ATF7IP: variants seen among roughly 807,000 people sequenced by gnomAD.
ATF7IP encodes the protein activating transcription factor 7-interacting protein 1.
In ATF7IP, 23 loss-of-function variants were observed where a neutral mutation model predicts 106.4. The ratio of observed to expected loss-of-function variants is 0.22; its 90% CI spans 0.16 to 0.31. ATF7IP has a LOEUF of 0.31. ATF7IP is among the 10% of genes least tolerant of loss of function. The pLI, the probability that ATF7IP is intolerant of heterozygous loss-of-function variation, is 1.00. For synonymous variants in ATF7IP, 542 were observed against 539.0 expected, an observed-to-expected ratio of 1.01 and a Z score of -0.08; for missense variants, 1,334 against 1,524.3, an observed-to-expected ratio of 0.88 and a Z score of 2.08.
chr12:14,460,600 C>T lies in ATF7IP; in HGVS notation c.2264C>T (p.Ala755Val). The T allele has an allele frequency of 6.2e-7, 1 of 1,614,190 alleles. No homozygotes were observed. The highest frequency in any genetic ancestry group is 8.5e-7 in the Non-Finnish European group (1 of 1,180,024). ...GSLTATSVLP[A>V]PNTATVVATT... ...CTCACAGCAACGTCAGTTCTTCCTG[C>T]ACCCAATACAGCTACTGTAGTTGCT... The change falls in exon 9 of 15, where the codon GCA becomes GTA. Residue 755 changes from alanine (A) to valine (V), a missense_variant. By Grantham distance (64) the Ala-to-Val change is moderately conservative. This residue lies in a region of ATF7IP where 171 missense variants were observed against 172.6 expected (regional missense o/e 0.99). Coordinates refer to ENST00000261168, the MANE Select transcript of ATF7IP (RefSeq NM_018179.5).
chr12:14,400,249 A>G (rs764087773), intron 1 of ATF7IP, among the ~76,000 whole-genome samples: 2 of 152,248 alleles, frequency 1.3e-5, no homozygotes, highest in Non-Finnish European at 2.9e-5. Context: ...TATCACTTGC[A>G]TGCCTGTATA....
intron 5 of ATF7IP, among the ~76,000 whole-genome samples, chr12:14,439,796 G>T (rs142256210): frequency 3.9e-4 from 60 of 152,158 alleles, no homozygotes; most frequent in Non-Finnish European, 6.6e-4. Flanking sequence ...TCGGGCTACT[G>T]CATTCCAGCC....
chr12:14,455,494 C>T (rs1387472350), intron 6 of ATF7IP, among the ~76,000 whole-genome samples: 1 of 152,168 alleles, frequency 6.6e-6, no homozygotes, highest in Non-Finnish European at 1.5e-5. Flanking sequence ...GGCATCTGCT[C>T]AATGTAATTC....
At chr12:14,398,538 A>G (rs775405062) in intron 1 of ATF7IP, among the ~76,000 whole-genome samples, 2 of 149,372 alleles carry the variant, frequency 1.3e-5, no homozygotes, top group African/African-American at 2.5e-5. Context: ...GTCAATATTG[A>G]TGTACATTGG....
Position 14,496,341 on chromosome 12 carries a change from A to C in ATF7IP, c.3391A>C (p.Thr1131Pro), listed in dbSNP as rs772493125. 11 of 1,608,946 alleles carry C rather than the reference A, an allele frequency of 6.8e-6. No individual in the cohort carries two copies. The highest frequency in any genetic ancestry group is 9.4e-6 in the Non-Finnish European group (11 of 1,175,724). ...TVHHRPPQVH[T>P]EPPRPVHPAP... ...GCATCACCGACCACCACAAGTGCAT[A>C]CTGTAAGTGTTGATGCTTGGTTTTG... The change falls in exon 14 of 15, where the codon ACT becomes CCT. Residue 1131 changes from threonine to proline, a missense_variant and splice_region_variant. Coordinates refer to ENST00000261168, the MANE Select transcript of ATF7IP (RefSeq NM_018179.5).
intron 10 of ATF7IP, among the ~76,000 whole-genome samples, chr12:14,471,446 GTTTT>G (rs1429695071): frequency 6.6e-6 from 1 of 151,974 alleles, no homozygotes; most frequent in Non-Finnish European, 1.5e-5. Flanking sequence ...ATTACATGGT[GTTTT>G]TTATGTATAA....
chr12:14,393,251 AT>A (rs1456776683), intron 1 of ATF7IP, among the ~76,000 whole-genome samples: 1 of 152,112 alleles, frequency 6.6e-6, no homozygotes, highest in Admixed American at 6.5e-5. Flanking sequence ...ATAATAAGTG[AT>A]TTCTTTTTTT....
At chr12:14,473,079 G>A (rs1188985557) in intron 10 of ATF7IP, among the ~76,000 whole-genome samples, 3 of 152,118 alleles carry the variant, frequency 2.0e-5, no homozygotes, top group Non-Finnish European at 2.9e-5. Context: ...CATTTTGGTC[G>A]GAGTTTTTAG....
rs183204669 is a variant in ATF7IP at position 14,377,644 on chromosome 12, C to T, written c.-8+11817C>T. Among the ~76,000 whole-genome samples, 666 of 150,908 alleles carry T rather than the reference C, an allele frequency of 4.4e-3. 3 individuals are homozygous for T. Among genetic ancestry groups the T allele is most frequent in the East Asian group, 0.014 (73 of 5,126 alleles). On this transcript the variant is annotated intron_variant, in intron 1 of 14. Coordinates refer to ENST00000261168, the MANE Select transcript of ATF7IP (RefSeq NM_018179.5). ...TTTCTTTTTTTTTTTGACAGAGTCT[C>T]GCTCTGTCACCCACGTTGGAGTGCA...
At chr12:14,471,945 GA>G (rs1944061035) in intron 10 of ATF7IP, among the ~76,000 whole-genome samples, 2 of 152,048 alleles carry the variant, frequency 1.3e-5, no homozygotes. Context: ...ATGATCATTG[GA>G]AAAAGGCAAT....
At chr12:14,399,299 C>T (rs972550177) in intron 1 of ATF7IP, among the ~76,000 whole-genome samples, 1 of 151,978 alleles carries the variant, frequency 6.6e-6, no homozygotes, top group Non-Finnish European at 1.5e-5. Context: ...CTGTAGAATT[C>T]CACAGTGAAA....
chr12:14,432,344 A>G (rs1245486724), intron 2 of ATF7IP, among the ~76,000 whole-genome samples: 1 of 152,254 alleles, frequency 6.6e-6, no homozygotes, highest in African/African-American at 2.4e-5. Flanking sequence ...GAGTATTAAA[A>G]TCAGAAAGAT....
At chr12:14,477,170 T>A (rs1944288975) in intron 11 of ATF7IP, among the ~76,000 whole-genome samples, 1 of 152,222 alleles carries the variant, frequency 6.6e-6, no homozygotes, top group Non-Finnish European at 1.5e-5. Flanking sequence ...GACATTACTT[T>A]TTTCTAAAAC....
At chr12:14,385,812 G>T (rs1939209400) in intron 1 of ATF7IP, among the ~76,000 whole-genome samples, 3 of 151,744 alleles carry the variant, frequency 2.0e-5, no homozygotes. Context: ...TTTTTCTACG[G>T]TTTTGTGAGG....
chr12:14,479,781 T>C (rs1449511553), intron 12 of ATF7IP, among the ~76,000 whole-genome samples: 1 of 152,174 alleles, frequency 6.6e-6, no homozygotes, highest in Non-Finnish European at 1.5e-5. Flanking sequence ...TATGTGACTT[T>C]ATTTCTGGTG....
intron 13 of ATF7IP, among the ~76,000 whole-genome samples, chr12:14,487,355 C>G (rs1944656490): frequency 1.3e-5 from 2 of 152,132 alleles, no homozygotes; most frequent in South Asian, 2.1e-4. Flanking sequence ...AACCTCACCT[C>G]TAGGGGCCCA....
intron 11 of ATF7IP, 99 bp downstream of exon 11, chr12:14,476,067 G>T (rs1232129720): frequency 1.1e-5 from 10 of 899,428 alleles, no homozygotes; most frequent in Non-Finnish European, 1.8e-5. Context: ...ATGGCATTAT[G>T]CTTGGTTTAT....
At chr12:14,377,195 A>G (rs1249683976) in intron 1 of ATF7IP, among the ~76,000 whole-genome samples, 1 of 151,024 alleles carries the variant, frequency 6.6e-6, no homozygotes, top group Non-Finnish European at 1.5e-5. Context: ...GGGTTTCACC[A>G]TGTTGGCCAG....
intron 13 of ATF7IP, among the ~76,000 whole-genome samples, chr12:14,490,030 G>A (rs147415890): frequency 5.9e-5 from 9 of 152,308 alleles, no homozygotes; most frequent in African/African-American, 1.4e-4. Flanking sequence ...ATGCCCGAGC[G>A]AGGGCTCAGT....
Sources: gnomAD v4.1 joint callset for allele counts (sites outside exome capture counted in the v4.1 genomes callset) on GRCh38, gnomAD v4.1.1 for gene constraint, gnomAD v4.1.1 regional missense constraint, MANE v1.5 for transcripts, NCBI Gene and HGNC (gene_info 2026-07-23, HGNC 2026-07-21) for gene names.